Variants in BSN observed in about 807,000 individuals in gnomAD.
The protein encoded by BSN is protein bassoon.
BSN carries 57 observed loss-of-function variants against 264.8 expected under a neutral mutation model. The observed-to-expected ratio is 0.22, with a 90% CI of 0.17 to 0.27. The LOEUF is 0.27. Ranked by LOEUF, BSN falls within the 10% of genes least tolerant of loss-of-function variation. The pLI, the probability that BSN is intolerant of heterozygous loss-of-function variation, is 1.00. For missense variants in BSN, 4,615 were observed against 5,232.5 expected (o/e 0.88, Z 3.64); for synonymous variants, 2,059 against 2,137.3 (o/e 0.96, Z 1.01).
chr3:49,635,414 G>A (rs1002206246), intron 2 of BSN, among the ~76,000 whole-genome samples: 8 of 152,106 alleles, frequency 5.3e-5, no homozygotes, highest in Admixed American at 1.3e-4. Context: ...ACTGCCAAGA[G>A]CCCATCACAG....
chr3:49,642,169 G>A lies in BSN; in HGVS notation c.634-99G>A. On this transcript the variant is annotated intron_variant, in intron 2 of 11. Transcript: ENST00000296452. The surrounding 1 kb of genome is among the most constrained non-coding windows in gnomAD (Gnocchi z 7.0). ...AGCAGGGCTTGGTGCTCCTGCCTGTGCTAGGAGTGGCCTTGGCTGCTGTGG... is the reference window on the plus strand; with the variant it reads ...AGCAGGGCTTGGTGCTCCTGCCTGTACTAGGAGTGGCCTTGGCTGCTGTGG... 2.0e-6 allele frequency: 2 copies of A among 981,140 alleles called. No homozygotes were observed. Among genetic ancestry groups the A allele is most frequent in the South Asian group, 4.4e-5 (2 of 45,494 alleles). 60.8% of individuals were successfully genotyped at this position (981,140 alleles called of 1,614,324 possible).
At chr3:49,628,082 C>T (rs908286479) in intron 2 of BSN, among the ~76,000 whole-genome samples, 1 of 152,174 alleles carries the variant, frequency 6.6e-6, no homozygotes, top group Non-Finnish European at 1.5e-5. Context: ...CAGAGAAGGA[C>T]GTGGGCCACA....
At chr3:49,640,485 G>A (rs1403268687) in intron 2 of BSN, 1 of 152,124 alleles carries the variant, frequency 6.6e-6, no homozygotes, top group Admixed American at 6.5e-5. Flanking sequence ...CCCGGAGGGT[G>A]TTTTATTTTT....
intron 1 of BSN, among the ~76,000 whole-genome samples, chr3:49,566,173 C>T (rs1575424865): frequency 6.6e-6 from 1 of 152,344 alleles, no homozygotes; most frequent in East Asian, 1.9e-4. Flanking sequence ...ACAACGTCTA[C>T]ATATTGCATT....
Position 49,656,283 on chromosome 3 carries a change from C to T in BSN, c.6727C>T (p.Arg2243Cys), listed in dbSNP as rs750200335. 23 of 1,613,166 alleles carry T rather than the reference C, an allele frequency of 1.4e-5. No individual in the cohort carries two copies. The highest frequency in any genetic ancestry group is 2.7e-5 in the African/African-American group (2 of 75,070). The change falls in exon 5 of 12, where the codon CGT becomes TGT. Residue 2243 changes from arginine to cysteine, a missense_variant. This residue lies in a region of BSN where 3,415 missense variants were observed against 3,866.4 expected (regional missense o/e 0.88). Coordinates refer to ENST00000296452, the MANE Select transcript of BSN (RefSeq NM_003458.4). ...AGCCGTGCCACTCACCAGTCTGACA[C>T]GTGTGCCCATGATTGCCCCCCGGGT... ...ITAVPLTSLTRVPMIAPRVPL... is the reference protein window; with the variant it reads ...ITAVPLTSLTCVPMIAPRVPL...
chr3:49,568,585 C>T (rs945633668), intron 1 of BSN, among the ~76,000 whole-genome samples: 7 of 152,084 alleles, frequency 4.6e-5, no homozygotes, highest in Admixed American at 3.9e-4. Context: ...CTGTACTTTG[C>T]TTTTTTCCAT....
At chr3:49,571,990 C>T (rs2051800267) in intron 1 of BSN, among the ~76,000 whole-genome samples, 1 of 152,172 alleles carries the variant, frequency 6.6e-6, no homozygotes, top group Non-Finnish European at 1.5e-5. Context: ...ATTCATTCAA[C>T]AAGCATTTAG....
intron 1 of BSN, among the ~76,000 whole-genome samples, chr3:49,575,811 T>C (rs1458199142): frequency 6.6e-6 from 1 of 151,810 alleles, no homozygotes; most frequent in Non-Finnish European, 1.5e-5. Flanking sequence ...TGCCCCTTCC[T>C]TTTCCAGCAT....
chr3:49,597,261 C>T (rs2052030720), intron 1 of BSN, among the ~76,000 whole-genome samples: 1 of 152,068 alleles, frequency 6.6e-6, no homozygotes, highest in Non-Finnish European at 1.5e-5. Context: ...TTTGAGTTCT[C>T]TGTTTCTTTC....
chr3:49,646,487 G>A (rs1375940013), intron 3 of BSN, among the ~76,000 whole-genome samples: 1 of 152,220 alleles, frequency 6.6e-6, no homozygotes, highest in South Asian at 2.1e-4. Context: ...GCTCATTGGG[G>A]TAGGGGTTGC....
rs981608292 is a variant in BSN, at chr3:49,655,084, G to C, written c.5528G>C (p.Arg1843Pro). ...PVPEPGAEPH[R>P]ATPAELRSHA... ...CCAGAGCCAGGTGCCGAGCCCCACC[G>C]GGCCACCCCTGCAGAGCTGCGGTCA... The change falls in exon 5 of 12, where the codon CGG (arginine) becomes CCG (proline). Residue 1843 changes from arginine to proline, a missense_variant. Coordinates refer to ENST00000296452, the MANE Select transcript of BSN (RefSeq NM_003458.4). 12 of 1,612,890 alleles carry C rather than the reference G, an allele frequency of 7.4e-6. No individual in the cohort carries two copies. Among genetic ancestry groups the C allele is most frequent in the Non-Finnish European group, 1.0e-5 (12 of 1,179,998 alleles).
intron 1 of BSN, among the ~76,000 whole-genome samples, chr3:49,616,581 G>A (rs542192062): frequency 2.0e-5 from 3 of 152,172 alleles, no homozygotes; most frequent in African/African-American, 4.8e-5. Context: ...AACTGAAGGC[G>A]GTGGGGGGCA....
rs1575448631 is a variant in BSN, at chr3:49,653,696, C to T, written c.4140C>T (p.Thr1380=). ...TGCCCTTTTCCCAGGGCCCTGGGACCCCAGCCACCACAGCTGTGGCTCCTT... is the reference window on the plus strand; with the variant it reads ...TGCCCTTTTCCCAGGGCCCTGGGACTCCAGCCACCACAGCTGTGGCTCCTT... ...IGMPFSQGPG[T]PATTAVAPCP... Residue 1380 remains threonine (T), a synonymous_variant, in exon 5 of 12, where the codon ACC becomes ACT. Transcript: ENST00000296452. The surrounding 1 kb of genome is among the most constrained non-coding windows in gnomAD (Gnocchi z 6.3). 6.2e-7 allele frequency: 1 copy of T among 1,613,822 alleles called. No individual in the cohort carries two copies. Among genetic ancestry groups the T allele is most frequent in the East Asian group, 2.2e-5 (1 of 44,862 alleles).
chr3:49,662,108 A>G lies in BSN; in HGVS notation c.10263A>G (p.Lys3421=). ...GLKKNVYEQQ[K]YYGMSSRDAV... The stretch of plus-strand genomic sequence containing the variant: ...AGAAGAACGTGTATGAGCAGCAAAA[A>G]TACTATGGGATGTCCAGCCGGGACG... The change falls in exon 6 of 12, where the codon AAA becomes AAG. Residue 3421 remains lysine, a synonymous_variant. Transcript: ENST00000296452. The G allele has an allele frequency of 5.0e-6, 8 of 1,613,510 alleles. No individual in the cohort carries two copies. The highest frequency in any genetic ancestry group is 6.8e-6 in the Non-Finnish European group (8 of 1,180,050).
chr3:49,644,789 A>G (rs917022275), intron 3 of BSN, among the ~76,000 whole-genome samples: 1 of 152,030 alleles, frequency 6.6e-6, no homozygotes, highest in Admixed American at 6.5e-5. Flanking sequence ...CCCAGCCCAC[A>G]TTTCCTTATT....
chr3:49,664,685 C>G, intron 9 of BSN, 114 bp from the exon 10 acceptor site: 1 of 1,544,806 alleles, frequency 6.5e-7, no homozygotes. Context: ...CCCAGTTGTT[C>G]TCCGGGCAAT....
At position 49,663,582 on chromosome 3, in the gene BSN, G is replaced by T; in HGVS notation, c.11424G>T (p.Arg3808=). ...AGCAACAGAGCCAGCCAACCACCCG[G>T]GGCTCAGCCCCTGCTGCCAGCCAGC... ...RLQQQSQPTT[R]GSAPAASQPA... is the part of the protein sequence containing the mutation. The change falls in exon 7 of 12, where the codon CGG becomes CGT. Residue 3808 remains arginine (R), a synonymous_variant. Coordinates refer to ENST00000296452, the MANE Select transcript of BSN (RefSeq NM_003458.4). The T allele has an allele frequency of 6.2e-7, 1 of 1,606,544 alleles. No individual in the cohort carries two copies.
intron 1 of BSN, among the ~76,000 whole-genome samples, chr3:49,597,734 C>T (rs955453180): frequency 3.9e-5 from 6 of 152,158 alleles, no homozygotes; most frequent in Non-Finnish European, 8.8e-5. Context: ...ACTCCGCCTT[C>T]TGGGTTCACA....
At chr3:49,609,495 C>T (rs2052186544) in intron 1 of BSN, among the ~76,000 whole-genome samples, 1 of 152,114 alleles carries the variant, frequency 6.6e-6, no homozygotes, top group Admixed American at 6.5e-5. Flanking sequence ...TCAGGTATCC[C>T]TGCCAACGGC....
Sources: allele counts gnomAD v4.1 joint callset (sites outside exome capture counted in the v4.1 genomes callset), GRCh38; gene constraint gnomAD v4.1.1; regional missense constraint gnomAD v4.1.1; non-coding constraint Gnocchi (gnomAD v3.1); transcripts MANE v1.5; gene names NCBI Gene and HGNC (gene_info 2026-07-23, HGNC 2026-07-21).